LRMDA: variants seen among roughly 807,000 people sequenced by gnomAD.
LRMDA encodes the protein leucine rich melanocyte differentiation associated, also known as leucine-rich melanocyte differentiation-associated protein.
LRMDA carries 18 observed loss-of-function variants against 29.8 expected under a neutral mutation model. That is an observed-to-expected ratio of 0.60 (90% CI 0.42 to 0.90). The LOEUF is 0.90. Ranked by LOEUF, LRMDA falls within the 40% of genes least tolerant of loss-of-function variation. The pLI is 0.00. For missense variants in LRMDA, 273 were observed against 273.9 expected (o/e 1.00, Z 0.02); for synonymous variants, 125 against 109.4 (o/e 1.14, Z -0.89).
chr10:75,706,070 T>C (rs988990879), intron 2 of LRMDA, among the ~76,000 whole-genome samples: 7 of 152,188 alleles, frequency 4.6e-5, no homozygotes, highest in Non-Finnish European at 8.8e-5. Flanking sequence ...GTCAATTTCG[T>C]GTCCTTTTTC....
intron 2 of LRMDA, among the ~76,000 whole-genome samples, chr10:75,804,014 A>G (rs990380318): frequency 6.6e-6 from 1 of 152,188 alleles, no homozygotes; most frequent in African/African-American, 2.4e-5. Context: ...GCTGTTGTAC[A>G]TCTTGTTTCA....
At chr10:75,596,184 A>G (rs892223781) in intron 2 of LRMDA, among the ~76,000 whole-genome samples, 5 of 152,246 alleles carry the variant, frequency 3.3e-5, no homozygotes, top group African/African-American at 4.8e-5. Context: ...TATGATCCCT[A>G]CATGACAGGT....
chr10:76,254,344 C>CATACCA (rs1852546230), intron 5 of LRMDA, among the ~76,000 whole-genome samples: 1 of 141,172 alleles, frequency 7.1e-6, no homozygotes, highest in African/African-American at 2.6e-5. Flanking sequence ...CCATACCATC[C>CATACCA]TATCCTATCC....
At chr10:75,553,500 A>G (rs1429253100) in intron 2 of LRMDA, among the ~76,000 whole-genome samples, 1 of 152,080 alleles carries the variant, frequency 6.6e-6, no homozygotes, top group East Asian at 1.9e-4. Context: ...GGAGGATCTC[A>G]GTCTTAGGTA....
chr10:76,213,797 T>C (rs1851677164), intron 5 of LRMDA, among the ~76,000 whole-genome samples: 1 of 152,238 alleles, frequency 6.6e-6, no homozygotes, highest in South Asian at 2.1e-4. Flanking sequence ...AACAAATTAT[T>C]ATTCACTGGG....
At chr10:75,719,608 G>C (rs2132186020) in intron 2 of LRMDA, among the ~76,000 whole-genome samples, 1 of 152,268 alleles carries the variant, frequency 6.6e-6, no homozygotes, top group South Asian at 2.1e-4. Flanking sequence ...TTCTCCCTGG[G>C]GGCCAAGAAG....
intron 6 of LRMDA, among the ~76,000 whole-genome samples, chr10:76,472,791 C>A (rs778697975): frequency 4.0e-5 from 6 of 150,970 alleles, no homozygotes; most frequent in Non-Finnish European, 8.9e-5. Flanking sequence ...ATGAAATGGA[C>A]AAATTTCTAA....
chr10:76,441,350 T>C (rs889038391), intron 6 of LRMDA, among the ~76,000 whole-genome samples: 1 of 152,240 alleles, frequency 6.6e-6, no homozygotes, highest in African/African-American at 2.4e-5. Flanking sequence ...TTTCATTTTT[T>C]ATCCTCATGT....
chr10:76,237,936 A>G (rs908285846), intron 5 of LRMDA, among the ~76,000 whole-genome samples: 4 of 151,806 alleles, frequency 2.6e-5, no homozygotes, highest in African/African-American at 9.7e-5. Context: ...GATTACAAGC[A>G]CGTGCCACCA....
intron 2 of LRMDA, among the ~76,000 whole-genome samples, chr10:75,544,752 C>G (rs1050315889): frequency 6.6e-5 from 10 of 151,694 alleles, no homozygotes; most frequent in Non-Finnish European, 1.0e-4. Context: ...TAAGGAGAAA[C>G]AATCGAAATG....
chr10:75,878,274 G>A (rs11001531), intron 2 of LRMDA, among the ~76,000 whole-genome samples: 58,865 of 147,106 alleles, frequency 0.4, 13,339 homozygotes, highest in Non-Finnish European at 0.51. Context: ...TTGGTGCAAG[G>A]TTTTATTGAG....
At chr10:76,116,133 T>A (rs1431960967) in intron 5 of LRMDA, among the ~76,000 whole-genome samples, 1 of 152,028 alleles carries the variant, frequency 6.6e-6, no homozygotes, top group Admixed American at 6.5e-5. Flanking sequence ...TAAGCATGAG[T>A]GTTTGTGCAG....
chr10:75,562,594 C>G (rs1036302297), intron 2 of LRMDA, among the ~76,000 whole-genome samples: 15 of 152,052 alleles, frequency 9.9e-5, no homozygotes, highest in African/African-American at 3.6e-4. Flanking sequence ...GGTTATTTTG[C>G]TCGTTAGTTG....
chr10:75,699,738 G>A (rs1024716451), intron 2 of LRMDA, among the ~76,000 whole-genome samples: 12 of 152,198 alleles, frequency 7.9e-5, no homozygotes, highest in African/African-American at 2.7e-4. Context: ...AATCCCTGGA[G>A]CCTGTGAATG....
At chr10:75,623,144 G>T (rs1471785870) in intron 2 of LRMDA, among the ~76,000 whole-genome samples, 1 of 152,174 alleles carries the variant, frequency 6.6e-6, no homozygotes, top group Non-Finnish European at 1.5e-5. Context: ...ACTTTAAAGG[G>T]TAATTGTAAT....
intron 2 of LRMDA, among the ~76,000 whole-genome samples, chr10:75,647,745 G>A (rs951413177): frequency 1.3e-5 from 2 of 152,132 alleles, no homozygotes; most frequent in Non-Finnish European, 2.9e-5. Flanking sequence ...TCATGGAACC[G>A]AAAATCAAAG....
At chr10:76,349,774 A>G (rs1190108167) in intron 6 of LRMDA, among the ~76,000 whole-genome samples, 1 of 152,100 alleles carries the variant, frequency 6.6e-6, no homozygotes, top group South Asian at 2.1e-4. Flanking sequence ...ATGTATCTCT[A>G]TTGGAAAACA....
chr10:76,028,747 T>C (rs1277901264), intron 2 of LRMDA, among the ~76,000 whole-genome samples: 5 of 151,920 alleles, frequency 3.3e-5, no homozygotes, highest in African/African-American at 1.2e-4. Context: ...TACTTCTACC[T>C]AAGATTGTCA....
At chr10:76,168,283 T>C (rs1013851237) in intron 5 of LRMDA, among the ~76,000 whole-genome samples, 1 of 152,142 alleles carries the variant, frequency 6.6e-6, no homozygotes, top group Non-Finnish European at 1.5e-5. Flanking sequence ...CCTAGGAAAG[T>C]CTGGTTAAGG....
Sources: gnomAD v4.1 joint callset for allele counts (sites outside exome capture counted in the v4.1 genomes callset) on GRCh38, gnomAD v4.1.1 for gene constraint, MANE v1.5 for transcripts, NCBI Gene and HGNC (gene_info 2026-07-23, HGNC 2026-07-21) for gene names.